The following ANKS1B variants were observed in gnomAD, a reference collection of about 807,000 sequenced individuals.
ANKS1B encodes the protein ankyrin repeat and sterile alpha motif domain-containing protein 1B.
A neutral mutation model predicts 148.3 loss-of-function variants in ANKS1B; 36 were observed. That is an observed-to-expected ratio of 0.24 (90% CI 0.19 to 0.32). The LOEUF is 0.32. Among genes scored for constraint, ANKS1B ranks in the 10% least tolerant of loss-of-function variants. ANKS1B has a pLI of 1.00. For missense variants in ANKS1B, 1,157 were observed against 1,542.6 expected, an observed-to-expected ratio of 0.75 and a Z score of 4.19; for synonymous variants, 542 against 560.8, an observed-to-expected ratio of 0.97 and a Z score of 0.47.
At chr12:99,770,076 T>C (rs2063047157) in intron 8 of ANKS1B, among the ~76,000 whole-genome samples, 1 of 152,198 alleles carries the variant, frequency 6.6e-6, no homozygotes, top group East Asian at 1.9e-4. Flanking sequence ...CTATGAGAAA[T>C]GTGGCTGAGA....
chr12:98,946,651 T>C (rs1184027199), intron 17 of ANKS1B, among the ~76,000 whole-genome samples: 1 of 152,044 alleles, frequency 6.6e-6, no homozygotes, highest in Non-Finnish European at 1.5e-5. Context: ...TTTCACCTCA[T>C]TGAAAAATGT....
intron 26 of ANKS1B, among the ~76,000 whole-genome samples, chr12:98,749,115 T>C (rs868844816): frequency 5.5e-4 from 83 of 152,264 alleles, no homozygotes; most frequent in African/African-American, 1.8e-3. Flanking sequence ...ATTTTTTTTT[T>C]TGAGACGGAG....
intron 12 of ANKS1B, among the ~76,000 whole-genome samples, chr12:99,271,443 T>A (rs1021558775): frequency 5.3e-5 from 8 of 151,974 alleles, no homozygotes; most frequent in Non-Finnish European, 2.9e-5. Flanking sequence ...TGCATATCTA[T>A]CCTTCAAGTG....
intron 25 of ANKS1B, among the ~76,000 whole-genome samples, chr12:98,763,014 C>T (rs1461152344): frequency 6.6e-6 from 1 of 152,246 alleles, no homozygotes. Flanking sequence ...TTCCTTCTGT[C>T]TTCTCTCCCA....
intron 4 of ANKS1B, among the ~76,000 whole-genome samples, chr12:99,802,665 C>A (rs1269721670): frequency 6.6e-6 from 1 of 152,066 alleles, no homozygotes; most frequent in Non-Finnish European, 1.5e-5. Flanking sequence ...GTAATCCCAG[C>A]ACTTTGGAAG....
intron 1 of ANKS1B, among the ~76,000 whole-genome samples, chr12:99,877,784 G>T (rs1255422822): frequency 6.6e-6 from 1 of 152,152 alleles, no homozygotes; most frequent in Non-Finnish European, 1.5e-5. Context: ...ACCTGACCAG[G>T]TGCTGACCAC....
intron 17 of ANKS1B, among the ~76,000 whole-genome samples, chr12:98,997,244 A>G (rs1204937096): frequency 6.6e-6 from 1 of 152,154 alleles, no homozygotes; most frequent in Non-Finnish European, 1.5e-5. Flanking sequence ...TTCACTGGGG[A>G]CCAGGATTGG....
intron 9 of ANKS1B, among the ~76,000 whole-genome samples, chr12:99,590,680 A>G (rs1487995892): frequency 6.6e-6 from 1 of 152,228 alleles, no homozygotes; most frequent in Non-Finnish European, 1.5e-5. Context: ...CAGGTGAAGG[A>G]GGTTGAAAAC....
intron 12 of ANKS1B, among the ~76,000 whole-genome samples, chr12:99,342,543 G>C (rs2090080653): frequency 6.6e-6 from 1 of 152,030 alleles, no homozygotes; most frequent in African/African-American, 2.4e-5. Context: ...TAGCTGTGAT[G>C]CCTTCTAAAC....
chr12:99,561,300 C>A (rs2097333857), intron 9 of ANKS1B, among the ~76,000 whole-genome samples: 1 of 152,138 alleles, frequency 6.6e-6, no homozygotes. Context: ...TCAAACCCTG[C>A]CACTACTTTA....
In ANKS1B at chr12:99,984,466, C is replaced by G; in HGVS notation, c.-229G>C. 1 of 426,464 alleles carries G rather than the reference C, an allele frequency of 2.3e-6. No homozygotes were observed. Among genetic ancestry groups the G allele is most frequent in the Non-Finnish European group, 4.2e-6 (1 of 239,370 alleles). The allele number at this position is 426,464 out of a possible 1,614,324, so 26.4% of individuals were successfully genotyped here. On this transcript the variant is annotated 5_prime_UTR_variant, in exon 1 of 27. Coordinates refer to ENST00000683438, the MANE Select transcript of ANKS1B (RefSeq NM_001352186.2). ...ACCATGTCTTGAAAGAGGGGCTGGC[C>G]GAGCTGGGAGCCGCGACGCGCCCCC...
chr12:99,544,538 C>T (rs1448348284), intron 9 of ANKS1B, among the ~76,000 whole-genome samples: 4 of 152,120 alleles, frequency 2.6e-5, no homozygotes, highest in African/African-American at 9.7e-5. Flanking sequence ...GATCTAATAC[C>T]ACTTCCAGAA....
intron 17 of ANKS1B, among the ~76,000 whole-genome samples, chr12:98,993,279 C>T (rs2099927705): frequency 6.6e-6 from 1 of 152,146 alleles, no homozygotes; most frequent in Non-Finnish European, 1.5e-5. Flanking sequence ...GCGATTCATA[C>T]ACCTCAGCCT....
chr12:98,799,554 T>G (rs1344280373), intron 21 of ANKS1B, among the ~76,000 whole-genome samples: 6 of 145,898 alleles, frequency 4.1e-5, no homozygotes, highest in African/African-American at 9.9e-5. Context: ...GAGAGAGGCA[T>G]TCTCAGTTGT....
At chr12:98,922,689 G>C (rs1473606671) in intron 17 of ANKS1B, among the ~76,000 whole-genome samples, 1 of 152,068 alleles carries the variant, frequency 6.6e-6, no homozygotes, top group Non-Finnish European at 1.5e-5. Context: ...AGTAGAGATG[G>C]GGTTTCACCA....
intron 17 of ANKS1B, among the ~76,000 whole-genome samples, chr12:98,875,827 G>C (rs914766796): frequency 1.3e-5 from 2 of 152,170 alleles, no homozygotes; most frequent in Admixed American, 1.3e-4. Flanking sequence ...GGGCAGCATA[G>C]TGGAGGCAGA....
At position 99,820,643 on chromosome 12, in the gene ANKS1B, A is replaced by C. The variant is rs78564018; in HGVS notation, c.215+4666T>G. ...AGTGAGAATGCAAATAAAAGAAATAACCTTCTTCTCTGGCTCTGAGATACA... is the reference window on the plus strand; with the variant it reads ...AGTGAGAATGCAAATAAAAGAAATACCCTTCTTCTCTGGCTCTGAGATACA... On this transcript the variant is annotated intron_variant, in intron 2 of 26. Coordinates refer to ENST00000683438, the MANE Select transcript of ANKS1B (RefSeq NM_001352186.2). Among the ~76,000 whole-genome samples the C allele has an allele frequency of 2.7e-3, 404 of 152,002 alleles. 1 individual carries two copies. Among genetic ancestry groups the C allele is most frequent in the African/African-American group, 8.7e-3 (361 of 41,516 alleles).
downstream of ANKS1B, among the ~76,000 whole-genome samples, chr12:98,743,001 AT>A (rs201865908): frequency 2.6e-5 from 4 of 152,116 alleles, no homozygotes; most frequent in African/African-American, 4.8e-5. Context: ...TTAGAAAGTT[AT>A]TTTTTTTAAA....
chr12:99,791,412 T>G (rs1414382307), intron 4 of ANKS1B, among the ~76,000 whole-genome samples: 1 of 151,678 alleles, frequency 6.6e-6, no homozygotes, highest in Non-Finnish European at 1.5e-5. Context: ...TAATCTGCAC[T>G]TTAGAAAAAA....
Sources: gnomAD v4.1 joint callset for allele counts (sites outside exome capture counted in the v4.1 genomes callset) on GRCh38, gnomAD v4.1.1 for gene constraint, MANE v1.5 for transcripts, NCBI Gene and HGNC (gene_info 2026-07-23, HGNC 2026-07-21) for gene names.